Variants in GUCY1A2 observed in about 807,000 individuals in gnomAD.
The protein encoded by GUCY1A2 is guanylate cyclase 1 soluble subunit alpha 2, also known as guanylate cyclase soluble subunit alpha-2.
Under a neutral mutation model 63.5 loss-of-function variants are expected in GUCY1A2, and 27 were observed. The observed-to-expected ratio is 0.43, with a 90% CI of 0.31 to 0.59. The LOEUF is 0.59. Ranked by LOEUF, GUCY1A2 falls within the 20% of genes least tolerant of loss-of-function variation. GUCY1A2 has a pLI of 0.11. For synonymous variants in GUCY1A2, 364 were observed against 343.5 expected, an observed-to-expected ratio of 1.06 and a Z score of -0.66; for missense variants, 768 against 913.3, an observed-to-expected ratio of 0.84 and a Z score of 2.05.
intron 3 of GUCY1A2, among the ~76,000 whole-genome samples, chr11:106,974,636 C>G (rs1861239297): frequency 6.6e-6 from 1 of 152,022 alleles, no homozygotes; most frequent in African/African-American, 2.4e-5. Flanking sequence ...GGAATAAGCC[C>G]CAAAGGTCAT....
At chr11:106,921,873 C>G (rs1390821028) in intron 4 of GUCY1A2, among the ~76,000 whole-genome samples, 2 of 152,142 alleles carry the variant, frequency 1.3e-5, no homozygotes, top group Non-Finnish European at 2.9e-5. Flanking sequence ...ATCTTCATAT[C>G]TCTAACATCT....
intron 3 of GUCY1A2, among the ~76,000 whole-genome samples, chr11:106,956,218 G>A (rs927457183): frequency 6.6e-6 from 1 of 151,832 alleles, no homozygotes; most frequent in Non-Finnish European, 1.5e-5. Flanking sequence ...GTTGCATTGG[G>A]TTAGAACAAG....
At chr11:106,823,420 T>A (rs1858928298) in intron 4 of GUCY1A2, among the ~76,000 whole-genome samples, 1 of 152,330 alleles carries the variant, frequency 6.6e-6, no homozygotes, top group Non-Finnish European at 1.5e-5. Context: ...GCAAAGGATA[T>A]GATTTCATTC....
At chr11:106,806,839 T>A (rs1437369685) in intron 5 of GUCY1A2, among the ~76,000 whole-genome samples, 1 of 152,224 alleles carries the variant, frequency 6.6e-6, no homozygotes, top group Non-Finnish European at 1.5e-5. Context: ...GATAGCTTGA[T>A]TATTTTAGCA....
intron 4 of GUCY1A2, among the ~76,000 whole-genome samples, chr11:106,898,037 T>C (rs1240630138): frequency 1.3e-5 from 2 of 151,960 alleles, no homozygotes; most frequent in African/African-American, 2.4e-5. Flanking sequence ...AGAACAAATA[T>C]CTTAAAAAAT....
At chr11:106,696,362 G>GT (rs1281292387) in intron 7 of GUCY1A2, among the ~76,000 whole-genome samples, 1 of 152,170 alleles carries the variant, frequency 6.6e-6, no homozygotes, top group East Asian at 1.9e-4. Context: ...ACCAGTTCTT[G>GT]TAAGTTAAAT....
At chr11:106,721,320 A>G (rs1446541932) in intron 6 of GUCY1A2, among the ~76,000 whole-genome samples, 1 of 152,158 alleles carries the variant, frequency 6.6e-6, no homozygotes, top group Non-Finnish European at 1.5e-5. Flanking sequence ...CGGCCTCCCA[A>G]AGTGCTGGGA....
chr11:106,842,893 T>G (rs1017144205), intron 4 of GUCY1A2, among the ~76,000 whole-genome samples: 4 of 151,882 alleles, frequency 2.6e-5, no homozygotes, highest in Admixed American at 1.3e-4. Context: ...GCAAGGCCCT[T>G]GGGTGTCTGT....
At chr11:106,994,851 A>C (rs1161840866) in intron 1 of GUCY1A2, among the ~76,000 whole-genome samples, 1 of 152,162 alleles carries the variant, frequency 6.6e-6, no homozygotes, top group Non-Finnish European at 1.5e-5. Context: ...AATGAAAATG[A>C]GATTGTTGTT....
At chr11:106,914,799 G>A (rs1468721933) in intron 4 of GUCY1A2, among the ~76,000 whole-genome samples, 1 of 151,980 alleles carries the variant, frequency 6.6e-6, no homozygotes, top group Non-Finnish European at 1.5e-5. Context: ...GAAAGACAAA[G>A]AGTAAGTCAC....
chr11:106,871,783 A>G (rs1368728987), intron 4 of GUCY1A2, among the ~76,000 whole-genome samples: 1 of 152,194 alleles, frequency 6.6e-6, no homozygotes, highest in Admixed American at 6.6e-5. Context: ...TTATTATACT[A>G]TTTGATCTGG....
In GUCY1A2 at chr11:106,995,008, G is replaced by T. The variant is rs186056276; in HGVS notation, c.304-8877C>A. Among the ~76,000 whole-genome samples, 3 of 145,820 alleles carry T rather than the reference G, an allele frequency of 2.1e-5. No homozygotes were observed. The East Asian group carries it at 5.8e-4, about 28-fold the overall frequency. ...TTGGTTCAGTGTGAATGAAAATACCGATGATAAGACAAGATGGCACTGCTC... is the reference window on the plus strand; with the variant it reads ...TTGGTTCAGTGTGAATGAAAATACCTATGATAAGACAAGATGGCACTGCTC... On this transcript the variant is annotated intron_variant, in intron 1 of 7. Coordinates refer to ENST00000526355, the MANE Select transcript of GUCY1A2 (RefSeq NM_000855.3).
At chr11:106,782,151 C>T (rs987922274) in intron 5 of GUCY1A2, among the ~76,000 whole-genome samples, 1 of 152,158 alleles carries the variant, frequency 6.6e-6, no homozygotes, top group African/African-American at 2.4e-5. Flanking sequence ...TTCAATCTGA[C>T]AGTCCTAGGT....
At chr11:106,948,357 T>C (rs1014917425) in intron 3 of GUCY1A2, among the ~76,000 whole-genome samples, 2 of 152,160 alleles carry the variant, frequency 1.3e-5, no homozygotes, top group African/African-American at 4.8e-5. Context: ...GTAGGATTTA[T>C]ATCAGAAATG....
chr11:107,016,895 A>T (rs1395474334), intron 1 of GUCY1A2, among the ~76,000 whole-genome samples: 1 of 152,250 alleles, frequency 6.6e-6, no homozygotes, highest in African/African-American at 2.4e-5. Flanking sequence ...CAAGAAGTAC[A>T]GAGCGGTTTA....
At chr11:106,763,838 T>C (rs1227891391) in intron 6 of GUCY1A2, among the ~76,000 whole-genome samples, 1 of 152,080 alleles carries the variant, frequency 6.6e-6, no homozygotes, top group East Asian at 1.9e-4. Context: ...TTTCAATCAA[T>C]CAGTGCTTTT....
chr11:106,967,762 AGGAGGGAGGGAAGCAGGAAG>A (rs1393104517), intron 3 of GUCY1A2, among the ~76,000 whole-genome samples: 1 of 115,372 alleles, frequency 8.7e-6, no homozygotes, highest in African/African-American at 3.3e-5. Context: ...GAAGGAAGCA[AGGAGGGAGGGAAGCAGGAAG>A]GGAGGGAGGG....
At chr11:106,734,711 G>C (rs1280303130) in intron 6 of GUCY1A2, among the ~76,000 whole-genome samples, 16 of 152,060 alleles carry the variant, frequency 1.1e-4, no homozygotes, top group Admixed American at 1.0e-3. Flanking sequence ...TTTCAAGTTG[G>C]AGGTATTGTT....
At chr11:106,747,070 C>T (rs995474357) in intron 6 of GUCY1A2, among the ~76,000 whole-genome samples, 1 of 152,164 alleles carries the variant, frequency 6.6e-6, no homozygotes, top group Non-Finnish European at 1.5e-5. Context: ...TCACTGCAAG[C>T]TCCACCTCCC....
Sources: allele counts gnomAD v4.1 joint callset (sites outside exome capture counted in the v4.1 genomes callset), GRCh38; gene constraint gnomAD v4.1.1; transcripts MANE v1.5; gene names NCBI Gene and HGNC (gene_info 2026-07-23, HGNC 2026-07-21).